SPPL3: variants seen among roughly 807,000 people sequenced by gnomAD.
SPPL3 encodes the protein signal peptide peptidase-like 3.
In SPPL3, 5 loss-of-function variants were observed where a neutral mutation model predicts 42.4. That is an observed-to-expected ratio of 0.12 (90% CI 0.06 to 0.25). The LOEUF is 0.25. Ranked by LOEUF, SPPL3 falls within the 10% of genes least tolerant of loss-of-function variation. SPPL3 has a pLI of 1.00. For synonymous variants in SPPL3, 195 were observed against 181.8 expected (o/e 1.07, Z -0.58); for missense variants, 235 against 489.0 (o/e 0.48, Z 4.90).
chr12:120,806,711 T>C (rs1475662576), intron 2 of SPPL3, among the ~76,000 whole-genome samples: 1 of 151,718 alleles, frequency 6.6e-6, no homozygotes, highest in Non-Finnish European at 1.5e-5. Flanking sequence ...TAGCTGGGCA[T>C]GGTGACGGGT....
At chr12:120,893,714 T>C (rs1873714408) in intron 1 of SPPL3, among the ~76,000 whole-genome samples, 1 of 152,166 alleles carries the variant, frequency 6.6e-6, no homozygotes, top group Non-Finnish European at 1.5e-5. Flanking sequence ...AAAATTCTCT[T>C]ATGCCTTTTC....
intron 2 of SPPL3, among the ~76,000 whole-genome samples, chr12:120,808,273 A>T (rs1192217354): frequency 6.6e-6 from 1 of 151,618 alleles, no homozygotes; most frequent in African/African-American, 2.4e-5. Flanking sequence ...ATGGGGTTTC[A>T]CCATGTTGTC....
chr12:120,846,801 G>A (rs1278111848), intron 1 of SPPL3, among the ~76,000 whole-genome samples: 1 of 152,170 alleles, frequency 6.6e-6, no homozygotes, highest in Non-Finnish European at 1.5e-5. Flanking sequence ...TTCTAAACTG[G>A]TTTCACAGAA....
intron 6 of SPPL3, among the ~76,000 whole-genome samples, chr12:120,772,144 C>T (rs1040086604): frequency 6.6e-6 from 1 of 152,268 alleles, no homozygotes; most frequent in African/African-American, 2.4e-5. Context: ...GTCTCAGCCT[C>T]CCGAGTAGCC....
At chr12:120,895,298 G>GCAGCTATAAACC (rs1873767055) in intron 1 of SPPL3, among the ~76,000 whole-genome samples, 1 of 151,616 alleles carries the variant, frequency 6.6e-6, no homozygotes, top group African/African-American at 2.4e-5. Context: ...GTATTGGCGC[G>GCAGCTATAAACC]CAGCTATAAA....
chr12:120,792,520 T>A (rs750860146), intron 2 of SPPL3, among the ~76,000 whole-genome samples: 7 of 151,974 alleles, frequency 4.6e-5, no homozygotes, highest in African/African-American at 9.7e-5. Context: ...GCCAACATGG[T>A]GAAACCCCGT....
At chr12:120,876,820 C>A (rs1215374405) in intron 1 of SPPL3, among the ~76,000 whole-genome samples, 5 of 100,820 alleles carry the variant, frequency 5.0e-5, no homozygotes, top group Non-Finnish European at 5.3e-5. Flanking sequence ...CACACACACA[C>A]ACACACACAC....
At chr12:120,840,409 T>G (rs990188152) in intron 1 of SPPL3, among the ~76,000 whole-genome samples, 1 of 152,060 alleles carries the variant, frequency 6.6e-6, no homozygotes, top group African/African-American at 2.4e-5. Context: ...TGATTCCATT[T>G]ATATGAAATG....
chr12:120,885,415 C>T (rs1445757105), intron 1 of SPPL3, among the ~76,000 whole-genome samples: 1 of 152,030 alleles, frequency 6.6e-6, no homozygotes, highest in African/African-American at 2.4e-5. Flanking sequence ...ATCACAAATG[C>T]CAGGGTATAG....
At chr12:120,777,073 A>G (rs1270327003) in intron 6 of SPPL3, among the ~76,000 whole-genome samples, 1 of 152,218 alleles carries the variant, frequency 6.6e-6, no homozygotes, top group Non-Finnish European at 1.5e-5. Flanking sequence ...TAAAGACACC[A>G]TCATAAAACA....
intron 1 of SPPL3, among the ~76,000 whole-genome samples, chr12:120,884,084 A>G (rs1179277963): frequency 7.1e-6 from 1 of 141,752 alleles, no homozygotes; most frequent in Non-Finnish European, 1.5e-5. Flanking sequence ...GTGGGCAACA[A>G]CAGCGAAACT....
At chr12:120,789,458 A>AAAAAAAAAG (rs1463764683) in intron 3 of SPPL3, among the ~76,000 whole-genome samples, 4 of 151,072 alleles carry the variant, frequency 2.6e-5, no homozygotes, top group Admixed American at 6.6e-5. Context: ...TCTCAAAAAA[A>AAAAAAAAAG]AAAAGAAAAA....
At chr12:120,823,305 C>G (rs904083901) in intron 1 of SPPL3, among the ~76,000 whole-genome samples, 8 of 152,042 alleles carry the variant, frequency 5.3e-5, no homozygotes, top group Admixed American at 3.3e-4. Flanking sequence ...AGCTAGGGAT[C>G]TGGCTGTATT....
rs1018021478 is a variant in SPPL3 at position 120,878,187 on chromosome 12, G to A, written c.23+25658C>T. ...AACAACAAAAAGTATAAAATATTTG[G>A]TAATTAATGTAGTATTTAAAAAACA... On this transcript the variant is annotated intron_variant, in intron 1 of 10. Transcript: ENST00000353487. Among the ~76,000 whole-genome samples, 5 of 152,162 alleles carry A rather than the reference G, an allele frequency of 3.3e-5. No homozygotes were observed. In the South Asian group the frequency reaches 8.3e-4, roughly 25 times the overall value.
chr12:120,838,468 G>C (rs142933893), intron 1 of SPPL3, among the ~76,000 whole-genome samples: 3 of 152,148 alleles, frequency 2.0e-5, no homozygotes, highest in African/African-American at 7.2e-5. Flanking sequence ...GATTTGATTC[G>C]GGGACTTCCA....
Position 120,861,006 on chromosome 12 carries a change from T to C in SPPL3, c.23+42839A>G, listed in dbSNP as rs531718324. Among the ~76,000 whole-genome samples, 34 of 152,298 alleles carry C rather than the reference T, an allele frequency of 2.2e-4. No individual in the cohort carries two copies. In the South Asian group the frequency reaches 7.0e-3, roughly 32 times the overall value. On this transcript the variant is annotated intron_variant, in intron 1 of 10. Transcript: ENST00000353487. ...CTCCCATTTCAGGGCTCCACAGGAC[T>C]CTCATATACTTTAAATCATCGCTAT...
chr12:120,816,738 A>C (rs2137005619), intron 1 of SPPL3, among the ~76,000 whole-genome samples: 1 of 152,178 alleles, frequency 6.6e-6, no homozygotes, highest in South Asian at 2.1e-4. Flanking sequence ...GAGAACTGTG[A>C]ATCTCTGTGA....
At chr12:120,845,499 T>C (rs927444146) in intron 1 of SPPL3, 6 of 432,126 alleles carry the variant, frequency 1.4e-5, no homozygotes, top group Non-Finnish European at 2.3e-5. Flanking sequence ...GGTTTCCACG[T>C]TGAAGCCTAT....
chr12:120,768,897 G>T (rs1869007975), intron 7 of SPPL3, 56 bp downstream of exon 7: 2 of 1,458,146 alleles, frequency 1.4e-6, no homozygotes, highest in African/African-American at 1.4e-5. Context: ...TTTCAGGCAT[G>T]AATGCTTCAC....
Sources: allele counts gnomAD v4.1 joint callset (sites outside exome capture counted in the v4.1 genomes callset), GRCh38; gene constraint gnomAD v4.1.1; transcripts MANE v1.5; gene names NCBI Gene and HGNC (gene_info 2026-07-23, HGNC 2026-07-21).